GPC5: variants seen among roughly 807,000 people sequenced by gnomAD.
The protein encoded by GPC5 is glypican-5.
A neutral mutation model predicts 53.9 loss-of-function variants in GPC5; 47 were observed. The ratio of observed to expected loss-of-function variants is 0.87; its 90% CI spans 0.69 to 1.11. The LOEUF is 1.11. Ranked by LOEUF, GPC5 falls within the 50% of genes most tolerant of loss-of-function variation. The pLI is 0.00. For missense variants in GPC5, 748 were observed against 713.1 expected (o/e 1.05, Z -0.56); for synonymous variants, 286 against 263.3 (o/e 1.09, Z -0.84).
intron 7 of GPC5, among the ~76,000 whole-genome samples, chr13:92,825,165 A>G (rs1195323115): frequency 6.6e-6 from 1 of 152,236 alleles, no homozygotes; most frequent in Non-Finnish European, 1.5e-5. Flanking sequence ...TCCAGCTGAA[A>G]TCACAGCACG....
intron 7 of GPC5, among the ~76,000 whole-genome samples, chr13:92,152,830 A>G (rs1384804777): frequency 1.3e-5 from 2 of 152,166 alleles, no homozygotes; most frequent in African/African-American, 4.8e-5. Flanking sequence ...AAGGAAAATA[A>G]TATAGTTGTA....
At chr13:92,201,366 T>C (rs560227516) in intron 7 of GPC5, among the ~76,000 whole-genome samples, 1 of 152,164 alleles carries the variant, frequency 6.6e-6, no homozygotes, top group East Asian at 1.9e-4. Context: ...CATGGCACAT[T>C]GTCACTTCAA....
chr13:92,007,343 G>GTTTA (rs1195252643), intron 6 of GPC5, among the ~76,000 whole-genome samples: 1 of 152,132 alleles, frequency 6.6e-6, no homozygotes, highest in Non-Finnish European at 1.5e-5. Flanking sequence ...TGGAGTTGTA[G>GTTTA]TTTAGTCTAC....
intron 7 of GPC5, among the ~76,000 whole-genome samples, chr13:92,211,487 A>G (rs1262918294): frequency 6.6e-6 from 1 of 152,180 alleles, no homozygotes; most frequent in Non-Finnish European, 1.5e-5. Context: ...CAATTTTCCA[A>G]GAGTTGGTTC....
intron 7 of GPC5, among the ~76,000 whole-genome samples, chr13:92,594,016 G>A (rs540445616): frequency 7.2e-5 from 11 of 152,178 alleles, no homozygotes; most frequent in Non-Finnish European, 1.2e-4. Context: ...AACAACAGGC[G>A]GAAAACCCAC....
chr13:92,075,391 A>G (rs572979106), intron 6 of GPC5, among the ~76,000 whole-genome samples: 4 of 152,328 alleles, frequency 2.6e-5, no homozygotes, highest in African/African-American at 9.6e-5. Context: ...ACACTTGATA[A>G]CGGAACCTCT....
intron 7 of GPC5, among the ~76,000 whole-genome samples, chr13:92,731,320 A>T (rs1398050290): frequency 1.3e-5 from 2 of 151,586 alleles, no homozygotes; most frequent in Non-Finnish European, 3.0e-5. Context: ...GATTTCTAAA[A>T]TAGAGTTATT....
intron 6 of GPC5, among the ~76,000 whole-genome samples, chr13:91,988,035 A>G (rs9583983): frequency 0.085 from 12,411 of 146,678 alleles, 1,803 homozygotes; most frequent in African/African-American, 0.29. Flanking sequence ...TATAGTATTT[A>G]TATATAAATA....
chr13:92,477,210 G>A (rs1392327049), intron 7 of GPC5, among the ~76,000 whole-genome samples: 2 of 152,072 alleles, frequency 1.3e-5, no homozygotes, highest in African/African-American at 4.8e-5. Context: ...TTATATCTGA[G>A]TAAACAAAAG....
At chr13:91,673,061 C>T (rs2035287448) in intron 2 of GPC5, among the ~76,000 whole-genome samples, 1 of 151,848 alleles carries the variant, frequency 6.6e-6, no homozygotes, top group South Asian at 2.1e-4. Context: ...ATGGGAACAA[C>T]ACACACCAGG....
At chr13:91,993,245 C>G (rs547203368) in intron 6 of GPC5, among the ~76,000 whole-genome samples, 67 of 152,298 alleles carry the variant, frequency 4.4e-4, no homozygotes, top group Admixed American at 1.2e-3. Context: ...CCTTCCTCAG[C>G]CTTTTCAGGC....
chr13:92,488,198 A>AT (rs1414178083), intron 7 of GPC5, among the ~76,000 whole-genome samples: 2 of 152,160 alleles, frequency 1.3e-5, no homozygotes, highest in East Asian at 1.9e-4. Flanking sequence ...ATGAAAACCC[A>AT]TTTTTTTCTA....
At chr13:92,766,483 G>A (rs1410575506) in intron 7 of GPC5, among the ~76,000 whole-genome samples, 3 of 152,112 alleles carry the variant, frequency 2.0e-5, no homozygotes, top group African/African-American at 4.8e-5. Flanking sequence ...TCCTTCATGA[G>A]TTCTTTGTTT....
At chr13:92,121,715 T>C (rs1225481150) in intron 6 of GPC5, among the ~76,000 whole-genome samples, 1 of 152,198 alleles carries the variant, frequency 6.6e-6, no homozygotes, top group Non-Finnish European at 1.5e-5. Context: ...GACAATTCTA[T>C]TCACCTTCAG....
chr13:92,537,839 A>G (rs1284561859), intron 7 of GPC5, among the ~76,000 whole-genome samples: 2 of 152,156 alleles, frequency 1.3e-5, no homozygotes, highest in Admixed American at 6.6e-5. Context: ...CCAATCAATT[A>G]TAAAGACACT....
intron 6 of GPC5, among the ~76,000 whole-genome samples, chr13:91,924,337 A>G (rs1478561571): frequency 4.6e-5 from 7 of 152,202 alleles, no homozygotes; most frequent in African/African-American, 1.7e-4. Flanking sequence ...ACTAATTTCA[A>G]TGCCTGTTTC....
intron 2 of GPC5, among the ~76,000 whole-genome samples, chr13:91,582,179 G>T (rs566762819): frequency 6.6e-6 from 1 of 152,234 alleles, no homozygotes; most frequent in East Asian, 1.9e-4. Flanking sequence ...AGACTCCAAA[G>T]ATCTTGTCCT....
intron 7 of GPC5, among the ~76,000 whole-genome samples, chr13:92,202,222 T>C (rs528500767): frequency 2.0e-4 from 31 of 152,228 alleles, no homozygotes; most frequent in Non-Finnish European, 4.4e-4. Flanking sequence ...GCCAGTGTAA[T>C]ATTTTTACTT....
At chr13:92,184,917 G>A (rs1244009552) in intron 7 of GPC5, among the ~76,000 whole-genome samples, 1 of 152,020 alleles carries the variant, frequency 6.6e-6, no homozygotes, top group Non-Finnish European at 1.5e-5. Flanking sequence ...CCAGGGTTGG[G>A]CAAACACACA....
Sources: allele counts gnomAD v4.1 joint callset (sites outside exome capture counted in the v4.1 genomes callset), GRCh38; gene constraint gnomAD v4.1.1; transcripts MANE v1.5; gene names NCBI Gene and HGNC (gene_info 2026-07-23, HGNC 2026-07-21).